ITPR1: variants seen among roughly 807,000 people sequenced by gnomAD.
ITPR1 encodes the protein inositol 1,4,5-trisphosphate receptor type 1.
Under a neutral mutation model 318.4 loss-of-function variants are expected in ITPR1, and 96 were observed. The ratio of observed to expected loss-of-function variants is 0.30; its 90% confidence interval spans 0.26 to 0.36. The LOEUF is 0.36. ITPR1 is among the 10% of genes least tolerant of loss of function. The pLI is 1.00. For synonymous variants in ITPR1, 1,312 were observed against 1,289.9 expected (o/e 1.02, Z -0.37); for missense variants, 2,440 against 3,460.2 (o/e 0.71, Z 7.40).
intron 52 of ITPR1, 94 bp from the exon 53 acceptor site, chr3:4,794,971 T>C: frequency 7.2e-7 from 1 of 1,380,226 alleles, no homozygotes. Flanking sequence ...AAAAGTGGAC[T>C]TGTGGGGCAG....
Position 4,846,222 on chromosome 3 carries a change from A to G in ITPR1, c.8274A>G (p.Ala2758=), listed in dbSNP as rs1260384064. The G allele has an allele frequency of 1.9e-6, 3 of 1,550,518 alleles. No homozygotes were observed. Among genetic ancestry groups the G allele is most frequent in the Admixed American group, 1.9e-5 (1 of 52,018 alleles). The part of the protein sequence containing the change: ...PHMNVNPQQP[A] The stretch of plus-strand genomic sequence containing the variant: ...TGAATGTCAACCCACAACAACCAGC[A>G]TAAGCAAATGAAAGAAAGGAATTGT... The change falls in exon 62 of 62, where the codon GCA becomes GCG. Residue 2758 remains alanine, a synonymous_variant. Coordinates refer to ENST00000649015, the MANE Select transcript of ITPR1 (RefSeq NM_001378452.1).
Position 4,674,194 on chromosome 3 carries a change from C to G in ITPR1, c.2457-8C>G. 6.5e-7 allele frequency: 1 copy of G among 1,533,618 alleles called. No homozygotes were observed. The highest frequency in any genetic ancestry group is 8.8e-7 in the Non-Finnish European group (1 of 1,142,390). ...ATTTTGTTTCCTTTCTTTCTCCTTT[C>G]TTTTCAGCTATGATAGTAGTGGAGC... On this transcript the variant is annotated splice_region_variant and splice_polypyrimidine_tract_variant and intron_variant, in intron 21 of 61. Transcript: ENST00000649015.
chr3:4,665,117 G>C (rs1274767818), intron 16 of ITPR1, 21 bp from the exon 17 acceptor site: 4 of 1,613,586 alleles, frequency 2.5e-6, no homozygotes, highest in Non-Finnish European at 3.4e-6. Flanking sequence ...TGCCATTTTT[G>C]CTTTTCATTT....
chr3:4,751,772 CTTCA>C (rs1173016664), intron 44 of ITPR1, among the ~76,000 whole-genome samples: 3 of 152,140 alleles, frequency 2.0e-5, no homozygotes, highest in African/African-American at 7.2e-5. Flanking sequence ...GCAGAGTTAA[CTTCA>C]TGGTTGAGAC....
chr3:4,664,935 C>G (rs567226566), intron 16 of ITPR1, among the ~76,000 whole-genome samples: 1 of 152,120 alleles, frequency 6.6e-6, no homozygotes, highest in African/African-American at 2.4e-5. Context: ...TGTATGAGGA[C>G]CAGTGGAGTC....
At chr3:4,618,484 C>G (rs11130084) in intron 4 of ITPR1, among the ~76,000 whole-genome samples, 23,151 of 152,102 alleles carry the variant, frequency 0.15, 2,683 homozygotes, top group East Asian at 0.45. Context: ...TCTGGCTAAA[C>G]TAATATTCAG....
At chr3:4,510,307 T>A (rs1197425030) in intron 2 of ITPR1, among the ~76,000 whole-genome samples, 2 of 152,048 alleles carry the variant, frequency 1.3e-5, no homozygotes, top group Non-Finnish European at 2.9e-5. Flanking sequence ...TCCAAAGAGA[T>A]GTTGGAAGGT....
intron 5 of ITPR1, among the ~76,000 whole-genome samples, chr3:4,636,729 A>G (rs922287782): frequency 6.6e-6 from 1 of 152,246 alleles, no homozygotes; most frequent in Non-Finnish European, 1.5e-5. Flanking sequence ...ACTCCTGGCC[A>G]AGAGTATCTT....
chr3:4,628,556 A>T (rs113721182), intron 5 of ITPR1, among the ~76,000 whole-genome samples: 1 of 152,124 alleles, frequency 6.6e-6, no homozygotes, highest in Non-Finnish European at 1.5e-5. Context: ...TTAAAAGGAG[A>T]CATGACGTAT....
intron 52 of ITPR1, among the ~76,000 whole-genome samples, chr3:4,791,761 C>T (rs532634676): frequency 1.2e-4 from 19 of 152,254 alleles, no homozygotes; most frequent in Admixed American, 1.0e-3. Flanking sequence ...CAAGCATTGA[C>T]GCATGGAAGT....
chr3:4,530,418 T>G (rs2083317194), intron 4 of ITPR1, among the ~76,000 whole-genome samples: 1 of 152,224 alleles, frequency 6.6e-6, no homozygotes, highest in South Asian at 2.1e-4. Flanking sequence ...TGGCCGCTGA[T>G]CTTTTTACAC....
chr3:4,540,198 A>G (rs913192822), intron 4 of ITPR1, among the ~76,000 whole-genome samples: 3 of 152,108 alleles, frequency 2.0e-5, no homozygotes, highest in Non-Finnish European at 4.4e-5. Flanking sequence ...TTATACAATT[A>G]TTATTACTTT....
intron 44 of ITPR1, among the ~76,000 whole-genome samples, chr3:4,760,522 A>G (rs2045362206): frequency 6.6e-6 from 1 of 152,204 alleles, no homozygotes; most frequent in Admixed American, 6.5e-5. Context: ...CCATTGTACC[A>G]GTTTTCTGTG....
intron 5 of ITPR1, among the ~76,000 whole-genome samples, chr3:4,630,133 T>C (rs898257260): frequency 6.6e-6 from 1 of 152,134 alleles, no homozygotes; most frequent in African/African-American, 2.4e-5. Context: ...GTAAATTGAA[T>C]ACTCTTCTTA....
intron 4 of ITPR1, among the ~76,000 whole-genome samples, chr3:4,523,114 A>C (rs2082691352): frequency 6.6e-6 from 1 of 152,192 alleles, no homozygotes; most frequent in East Asian, 1.9e-4. Context: ...GAGCTGATCT[A>C]GGTTTCGCTT....
chr3:4,782,422 G>C (rs900933904), intron 49 of ITPR1, 197 bp from the exon 50 acceptor site: 3 of 438,162 alleles, frequency 6.8e-6, no homozygotes, highest in Non-Finnish European at 1.2e-5. Flanking sequence ...CATTTCTCAC[G>C]ACAGGAGAGG....
chr3:4,712,076 G>A (rs1356442422), intron 39 of ITPR1, among the ~76,000 whole-genome samples: 1 of 152,216 alleles, frequency 6.6e-6, no homozygotes, highest in Non-Finnish European at 1.5e-5. Flanking sequence ...AATATACTTA[G>A]TCGTCTCTTA....
intron 4 of ITPR1, among the ~76,000 whole-genome samples, chr3:4,576,738 A>G (rs192272795): frequency 2.0e-5 from 3 of 152,328 alleles, no homozygotes; most frequent in Admixed American, 2.0e-4. Context: ...TATTTAAATG[A>G]AAATATAATT....
intron 44 of ITPR1, among the ~76,000 whole-genome samples, chr3:4,745,918 C>A (rs1177918111): frequency 6.6e-6 from 1 of 152,220 alleles, no homozygotes; most frequent in Middle Eastern, 3.2e-3. Flanking sequence ...CATCAGACTT[C>A]TTTTTCTCTT....
Sources: gnomAD v4.1 joint callset for allele counts (sites outside exome capture counted in the v4.1 genomes callset) on GRCh38, gnomAD v4.1.1 for gene constraint, MANE v1.5 for transcripts, NCBI Gene and HGNC (gene_info 2026-07-23, HGNC 2026-07-21) for gene names.